ROPN1L: variants seen among roughly 807,000 people sequenced by gnomAD.
ROPN1L encodes the protein ropporin-1-like protein.
ROPN1L carries 23 observed loss-of-function variants against 22.7 expected under a neutral mutation model. The observed-to-expected ratio is 1.01, with a 90% CI of 0.73 to 1.43. ROPN1L has a LOEUF of 1.43. ROPN1L is among the 40% of genes most tolerant of loss of function. ROPN1L has a pLI of 0.00. For missense variants in ROPN1L, 271 were observed against 291.5 expected (o/e 0.93, Z 0.51); for synonymous variants, 116 against 117.8 (o/e 0.98, Z 0.10).
chr5:10,445,724 G>A (rs1741036998), intron 1 of ROPN1L, among the ~76,000 whole-genome samples: 1 of 152,148 alleles, frequency 6.6e-6, no homozygotes, highest in Admixed American at 6.5e-5. Context: ...TCAGGAGCTC[G>A]AGACCAGCCT....
the ROPN1L span, among the ~76,000 whole-genome samples, chr5:10,477,318 G>A: frequency 5.9e-5 from 9 of 152,292 alleles, no homozygotes; most frequent in East Asian, 3.9e-4. Flanking sequence ...TGTGTGGGGC[G>A]CTCCATGTCC....
At chr5:10,471,700 G>C (rs1444407344) in intron 4 of ROPN1L, 1 of 152,506 alleles carries the variant, frequency 6.6e-6, no homozygotes, top group East Asian at 1.9e-4. Context: ...CTCTTGGTGA[G>C]AGCTGTGGCT....
chr5:10,472,041 C>T (rs1421648777), downstream of ROPN1L: 1 of 152,186 alleles, frequency 6.6e-6, no homozygotes, highest in African/African-American at 2.4e-5. Flanking sequence ...ACTCATACCT[C>T]CACATATTCA....
At chr5:10,459,622 A>T (rs991940899) in intron 3 of ROPN1L, among the ~76,000 whole-genome samples, 1 of 152,022 alleles carries the variant, frequency 6.6e-6, no homozygotes, top group Non-Finnish European at 1.5e-5. Flanking sequence ...TTTCTGGAGC[A>T]CACAGAAGTG....
At chr5:10,464,752 A>G in intron 4 of ROPN1L, 96 bp from the exon 5 acceptor site, 1 of 703,466 alleles carries the variant, frequency 1.4e-6, no homozygotes, top group East Asian at 2.8e-5. Flanking sequence ...TAGTTTTTAA[A>G]AGTAGACCTT....
At chr5:10,448,163 C>A (rs1561168553) in intron 1 of ROPN1L, 97 bp from the exon 2 acceptor site, 1 of 1,425,880 alleles carries the variant, frequency 7.0e-7, no homozygotes, top group East Asian at 2.3e-5. Context: ...GCTGTCCTTC[C>A]TAATCACCGT....
At chr5:10,476,972 A>G (rs1735327613), downstream of ROPN1L, among the ~76,000 whole-genome samples, 1 of 152,240 alleles carries the variant, frequency 6.6e-6, no homozygotes, top group Non-Finnish European at 1.5e-5. Flanking sequence ...AGTGCATCAT[A>G]TAGTAAATCT....
chr5:10,453,586 A>G (rs928627352), intron 3 of ROPN1L, among the ~76,000 whole-genome samples: 1 of 152,258 alleles, frequency 6.6e-6, no homozygotes, highest in African/African-American at 2.4e-5. Context: ...TATTTCACAT[A>G]GGATGCTGTG....
chr5:10,461,819 GA>G (rs2126466534), intron 4 of ROPN1L, among the ~76,000 whole-genome samples: 1 of 152,342 alleles, frequency 6.6e-6, no homozygotes, highest in Non-Finnish European at 1.5e-5. Flanking sequence ...GATTACAAAG[GA>G]TATTTTAAAG....
intron 1 of ROPN1L, 89 bp downstream of exon 1, chr5:10,442,387 C>T: frequency 7.2e-6 from 11 of 1,518,684 alleles, no homozygotes; most frequent in Non-Finnish European, 9.8e-6. Flanking sequence ...AGGGGCCTTA[C>T]GCGGCACTCA....
the ROPN1L span, among the ~76,000 whole-genome samples, chr5:10,478,428 G>T: frequency 6.6e-6 from 1 of 152,192 alleles, no homozygotes; most frequent in Non-Finnish European, 1.5e-5. Flanking sequence ...TGGACTTCTA[G>T]CTTCCCGGAC....
At chr5:10,479,705 T>G in the ROPN1L span, among the ~76,000 whole-genome samples, 2 of 151,746 alleles carry the variant, frequency 1.3e-5, no homozygotes, top group Non-Finnish European at 2.9e-5. Flanking sequence ...CTCCTCTCAC[T>G]AAATGCACGG....
At chr5:10,474,470 G>A (rs2126486106), downstream of ROPN1L, among the ~76,000 whole-genome samples, 1 of 152,342 alleles carries the variant, frequency 6.6e-6, no homozygotes, top group East Asian at 1.9e-4. Context: ...GAGGACATGA[G>A]GATGGCCTCT....
At chr5:10,448,971 G>A (rs546056997) in intron 2 of ROPN1L, among the ~76,000 whole-genome samples, 4 of 152,342 alleles carry the variant, frequency 2.6e-5, no homozygotes, top group Middle Eastern at 3.4e-3. Flanking sequence ...CTCATGACTC[G>A]GTTCTTTTGC....
At chr5:10,446,169 G>A (rs909514685) in intron 1 of ROPN1L, among the ~76,000 whole-genome samples, 3 of 152,194 alleles carry the variant, frequency 2.0e-5, no homozygotes, top group East Asian at 1.9e-4. Flanking sequence ...TTTGGTTGGC[G>A]TGTGCCTCAA....
intron 4 of ROPN1L, among the ~76,000 whole-genome samples, chr5:10,470,492 C>G (rs1561181646): frequency 6.6e-6 from 1 of 152,240 alleles, no homozygotes; most frequent in Non-Finnish European, 1.5e-5. Flanking sequence ...CCGTATCTGT[C>G]CCATTTCCCC....
intron 3 of ROPN1L, among the ~76,000 whole-genome samples, chr5:10,456,808 A>G (rs144581221): frequency 6.6e-6 from 1 of 152,292 alleles, no homozygotes; most frequent in East Asian, 1.9e-4. Flanking sequence ...AGAGGAAGTG[A>G]TGCTCGAGTG....
chr5:10,477,145 A>G, the ROPN1L span, among the ~76,000 whole-genome samples: 1 of 152,244 alleles, frequency 6.6e-6, no homozygotes, highest in South Asian at 2.1e-4. Context: ...ACATCACAAA[A>G]TATTTTTCTT....
At chr5:10,452,526 C>T (rs927444793) in intron 3 of ROPN1L, among the ~76,000 whole-genome samples, 4 of 147,238 alleles carry the variant, frequency 2.7e-5, no homozygotes, top group African/African-American at 5.0e-5. Flanking sequence ...TTAGTAGAGA[C>T]AGCGTTTCAC....
Sources: gnomAD v4.1 joint callset for allele counts (sites outside exome capture counted in the v4.1 genomes callset) on GRCh38, gnomAD v4.1.1 for gene constraint, MANE v1.5 for transcripts, NCBI Gene and HGNC (gene_info 2026-07-23, HGNC 2026-07-21) for gene names.